PHACTR2: variants seen among roughly 807,000 people sequenced by gnomAD.
The protein encoded by PHACTR2 is phosphatase and actin regulator 2.
In PHACTR2, 30 loss-of-function variants were observed where a neutral mutation model predicts 76.0. The observed-to-expected ratio is 0.39, with a 90% CI of 0.30 to 0.54. PHACTR2 has a LOEUF of 0.54. Among genes scored for constraint, PHACTR2 ranks in the 20% least tolerant of loss-of-function variants. The pLI, the probability that PHACTR2 is intolerant of heterozygous loss-of-function variation, is 0.61. For synonymous variants in PHACTR2, 292 were observed against 292.5 expected (o/e 1.00, Z 0.02); for missense variants, 696 against 781.1 (o/e 0.89, Z 1.30).
Position 143,733,661 on chromosome 6 carries a change from G to A in PHACTR2, c.215-15324G>A, listed in dbSNP as rs902394833. Reference sequence around the variant, plus strand: ...TTTACCAATTTAGTGGGTAGGGTGGGGAGCTATTCTCTCATGAATGGATAA... The same window carrying A: ...TTTACCAATTTAGTGGGTAGGGTGGAGAGCTATTCTCTCATGAATGGATAA... On this transcript the variant is annotated intron_variant, in intron 2 of 12. Coordinates refer to ENST00000440869, the MANE Select transcript of PHACTR2 (RefSeq NM_001100164.2). The surrounding 1 kb of genome is among the most constrained non-coding windows in gnomAD (Gnocchi z 4.0). Among the ~76,000 whole-genome samples the A allele has an allele frequency of 1.3e-5, 2 of 152,100 alleles. No homozygotes were observed. The highest frequency in any genetic ancestry group is 1.3e-4 in the Admixed American group (2 of 15,262).
Position 143,678,145 on chromosome 6 carries a change from T to C in PHACTR2, c.-19T>C, listed in dbSNP as rs771282679. On this transcript the variant is annotated 5_prime_UTR_variant, in exon 1 of 13. Coordinates refer to ENST00000440869, the MANE Select transcript of PHACTR2 (RefSeq NM_001100164.2). This position sits in a 1 kb window ranked among gnomAD's most constrained non-coding sequence, Gnocchi z 6.2. ...AAAGGAGCCGCTTGATCGCTGGACC[T>C]GGCCCTGCGACCCCAGTCATGGGCC... 1.9e-6 allele frequency: 3 copies of C among 1,545,510 alleles called. No homozygotes were observed. The highest frequency in any genetic ancestry group is 2.4e-5 in the South Asian group (2 of 83,944).
intron 1 of PHACTR2, among the ~76,000 whole-genome samples, chr6:143,593,617 G>A (rs781771224): frequency 6.6e-6 from 1 of 152,136 alleles, no homozygotes; most frequent in Non-Finnish European, 1.5e-5. Flanking sequence ...TTTATCTATA[G>A]AAGTCCTATA....
At chr6:143,640,869 A>G (rs1776552007) in intron 1 of PHACTR2, among the ~76,000 whole-genome samples, 2 of 152,214 alleles carry the variant, frequency 1.3e-5, no homozygotes, top group Non-Finnish European at 2.9e-5. Flanking sequence ...ATACTCCTGG[A>G]TGACCCAGGT....
intron 1 of PHACTR2, among the ~76,000 whole-genome samples, chr6:143,657,701 A>G (rs1161399814): frequency 6.6e-6 from 1 of 152,208 alleles, no homozygotes; most frequent in Non-Finnish European, 1.5e-5. Context: ...CTCCAGCCCC[A>G]GCCTCAGTGC....
chr6:143,682,140 C>G (rs1777405406), intron 1 of PHACTR2, among the ~76,000 whole-genome samples: 1 of 152,194 alleles, frequency 6.6e-6, no homozygotes, highest in South Asian at 2.1e-4. Context: ...GATATTGAAC[C>G]TGTAGATCAA....
At chr6:143,587,938 G>A (rs185214624) in intron 1 of PHACTR2, among the ~76,000 whole-genome samples, 2 of 152,014 alleles carry the variant, frequency 1.3e-5, no homozygotes, top group East Asian at 1.9e-4. Context: ...GCTTGAGTTC[G>A]GGAAGCAGTG....
At position 143,583,329 on chromosome 6, in the gene PHACTR2, C is replaced by T. The variant is rs1775595109; in HGVS notation, c.217+46122C>T. Among the ~76,000 whole-genome samples, 1 of 152,252 alleles carries T rather than the reference C, an allele frequency of 6.6e-6. No homozygotes were observed. The highest frequency in any genetic ancestry group is 1.9e-4 in the East Asian group (1 of 5,204). On this transcript the variant is annotated intron_variant, in intron 1 of 11. Coordinates refer to the PHACTR2 transcript ENST00000367584. The surrounding 1 kb of genome is among the most constrained non-coding windows in gnomAD (Gnocchi z 4.0). Reference sequence around the variant, plus strand: ...GGGTTACAGAAACACATGCTAGCAGCAGTCCTCAGATTGTTGCCCAGAACC... The same window carrying T: ...GGGTTACAGAAACACATGCTAGCAGTAGTCCTCAGATTGTTGCCCAGAACC...
intron 9 of PHACTR2, among the ~76,000 whole-genome samples, chr6:143,779,327 C>T (rs114108746): frequency 3.2e-4 from 48 of 149,784 alleles, no homozygotes; most frequent in African/African-American, 1.2e-3. Context: ...TTTTTAAGGA[C>T]GTTTACTTTA....
chr6:143,736,354 T>C (rs1778819660), intron 2 of PHACTR2, among the ~76,000 whole-genome samples: 1 of 152,110 alleles, frequency 6.6e-6, no homozygotes, highest in Non-Finnish European at 1.5e-5. Context: ...GCATAGCCAG[T>C]ATTTAATCCT....
chr6:143,781,379 C>T (rs1017151056), intron 9 of PHACTR2, among the ~76,000 whole-genome samples: 9 of 152,150 alleles, frequency 5.9e-5, no homozygotes, highest in Non-Finnish European at 1.2e-4. Flanking sequence ...ATCATTTTTG[C>T]GTATTTAATG....
In PHACTR2 at chr6:143,787,440, T is replaced by C. The variant is rs1319776152; in HGVS notation, c.1708-1333T>C. Among the ~76,000 whole-genome samples the C allele has an allele frequency of 1.3e-5, 2 of 152,192 alleles. No homozygotes were observed. Among genetic ancestry groups the C allele is most frequent in the Non-Finnish European group, 2.9e-5 (2 of 68,030 alleles). ...TTGTCCATTGCCTACCGGGGCTCTA[T>C]GAAGATAGAGGGAGCCATAGTTGGC... On this transcript the variant is annotated intron_variant, in intron 10 of 12. Coordinates refer to ENST00000440869, the MANE Select transcript of PHACTR2 (RefSeq NM_001100164.2). The surrounding 1 kb of genome is among the most constrained non-coding windows in gnomAD (Gnocchi z 4.6).
Position 143,537,237 on chromosome 6 carries a change from A to G in PHACTR2, c.217+30A>G, listed in dbSNP as rs1027186225. The G allele has an allele frequency of 5.2e-6, 1 of 192,488 alleles. No individual in the cohort carries two copies. The highest frequency in any genetic ancestry group is 1.1e-5 in the Non-Finnish European group (1 of 95,212). The allele number at this position is 192,488 out of a possible 1,614,324, so 11.9% of individuals were successfully genotyped here. ...GAGCGGCTCGGGGCGCGGGCCGGGGAGGGCCGGCCGCGGGCAGGTGGCCGC... is the reference window on the plus strand; with the variant it reads ...GAGCGGCTCGGGGCGCGGGCCGGGGGGGGCCGGCCGCGGGCAGGTGGCCGC... On this transcript the variant is annotated intron_variant, in intron 1 of 11. Coordinates refer to the PHACTR2 transcript ENST00000367584. The surrounding 1 kb of genome is among the most constrained non-coding windows in gnomAD (Gnocchi z 4.4).
chr6:143,721,040 T>G (rs1427487780), intron 2 of PHACTR2, among the ~76,000 whole-genome samples: 7 of 152,236 alleles, frequency 4.6e-5, no homozygotes, highest in African/African-American at 1.7e-4. Context: ...GTTATGGCTT[T>G]CTTTCTTCAA....
At chr6:143,707,869 G>T (rs1366479355) in intron 1 of PHACTR2, among the ~76,000 whole-genome samples, 1 of 152,206 alleles carries the variant, frequency 6.6e-6, no homozygotes, top group Non-Finnish European at 1.5e-5. Context: ...CATGGCACGT[G>T]AGTGAAGGGG....
rs1776526418 is a variant in PHACTR2, at chr6:143,826,164, G to A, written c.*2475G>A. The A allele has an allele frequency of 6.6e-6, 1 of 152,168 alleles. No homozygotes were observed. Among genetic ancestry groups the A allele is most frequent in the African/African-American group, 2.4e-5 (1 of 41,430 alleles). 9.4% of individuals were successfully genotyped at this position (152,168 alleles called of 1,614,324 possible). A position where few individuals can be genotyped will look rare whatever the true frequency, so the allele number is the denominator to read the frequency against. ...GTAAAAAGCTGTGGAAAGAATTAAA[G>A]GATTATGAGCTAAGCTGTATTTTGC... On this transcript the variant is annotated 3_prime_UTR_variant, in exon 13 of 13. Transcript: ENST00000440869.
intron 1 of PHACTR2, among the ~76,000 whole-genome samples, chr6:143,657,479 T>G (rs1472150139): frequency 3.9e-5 from 6 of 152,186 alleles, no homozygotes; most frequent in Admixed American, 3.9e-4. Flanking sequence ...ATGTACTCTT[T>G]TGTGTCTGGT....
At position 143,709,702 on chromosome 6, in the gene PHACTR2, T is replaced by A. The variant is rs1778128730; in HGVS notation, c.47-2314T>A. Among the ~76,000 whole-genome samples, 1 of 152,154 alleles carries A rather than the reference T, an allele frequency of 6.6e-6. No homozygotes were observed. Among genetic ancestry groups the A allele is most frequent in the African/African-American group, 2.4e-5 (1 of 41,436 alleles). ...TGTCCTTGTTACTGTTGGGCACAGG[T>A]AGAATTTCCAGATCCCCATGTGGTC... On this transcript the variant is annotated intron_variant, in intron 1 of 12. Transcript: ENST00000440869. The surrounding 1 kb of genome is among the most constrained non-coding windows in gnomAD (Gnocchi z 4.4).
intron 1 of PHACTR2, among the ~76,000 whole-genome samples, chr6:143,704,884 A>G (rs1778010930): frequency 2.0e-5 from 3 of 152,280 alleles, no homozygotes; most frequent in Admixed American, 1.3e-4. Context: ...GCTGGAGTGC[A>G]GTGGCGCGAT....
intron 1 of PHACTR2, among the ~76,000 whole-genome samples, chr6:143,620,486 T>A (rs1776134661): frequency 1.3e-5 from 2 of 152,026 alleles, no homozygotes; most frequent in South Asian, 4.2e-4. Context: ...ATTCCTCTCA[T>A]CTTCAAAAAT....
Sources: allele counts gnomAD v4.1 joint callset (sites outside exome capture counted in the v4.1 genomes callset), GRCh38; gene constraint gnomAD v4.1.1; non-coding constraint Gnocchi (gnomAD v3.1); transcripts MANE v1.5; gene names NCBI Gene and HGNC (gene_info 2026-07-23, HGNC 2026-07-21).